Variants in TANK observed in about 807,000 individuals in gnomAD.
TANK encodes TRAF family member-associated NF-kappa-B activator.
TANK carries 15 observed loss-of-function variants against 43.6 expected under a neutral mutation model. That is an observed-to-expected ratio of 0.34 (90% CI 0.23 to 0.53). The LOEUF (loss-of-function observed/expected upper bound fraction) is 0.53. Among genes scored for constraint, TANK ranks in the 20% least tolerant of loss-of-function variants. TANK has a pLI of 0.94. For synonymous variants in TANK, 162 were observed against 178.2 expected (o/e 0.91, Z 0.73); for missense variants, 417 against 498.6 (o/e 0.84, Z 1.56).
intron 1 of TANK, among the ~76,000 whole-genome samples, chr2:161,145,053 G>A (rs1683865429): frequency 1.3e-5 from 2 of 149,904 alleles, no homozygotes; most frequent in Non-Finnish European, 3.0e-5. Flanking sequence ...ATTATGTAAT[G>A]CTCTTCTTTG....
At chr2:161,155,307 T>C (rs1684195522) in intron 1 of TANK, among the ~76,000 whole-genome samples, 1 of 152,158 alleles carries the variant, frequency 6.6e-6, no homozygotes, top group South Asian at 2.1e-4. Flanking sequence ...ATTTATATCT[T>C]ATGTGTCAAA....
chr2:161,157,219 A>T (rs1684251096), upstream of TANK, among the ~76,000 whole-genome samples: 1 of 152,198 alleles, frequency 6.6e-6, no homozygotes, highest in African/African-American at 2.4e-5. Context: ...TTTCAGCTTC[A>T]CAGTTCTTGC....
intron 1 of TANK, among the ~76,000 whole-genome samples, chr2:161,177,700 CATT>C (rs1286597750): frequency 9.2e-5 from 14 of 152,122 alleles, no homozygotes; most frequent in African/African-American, 3.4e-4. Context: ...AAATTAAAGA[CATT>C]GTGTGTCAGA....
chr2:161,221,319 A>G (rs1484195151), intron 4 of TANK, among the ~76,000 whole-genome samples: 2 of 152,310 alleles, frequency 1.3e-5, no homozygotes, highest in Admixed American at 6.5e-5. Flanking sequence ...ATAATGTTCA[A>G]AATTCCCTTG....
chr2:161,166,575 T>C (rs748437487), intron 1 of TANK, among the ~76,000 whole-genome samples: 1 of 152,200 alleles, frequency 6.6e-6, no homozygotes, highest in South Asian at 2.1e-4. Flanking sequence ...TGCTTTTTAC[T>C]CCTGATGTGT....
chr2:161,224,574 T>G (rs1687516667), intron 5 of TANK, 57 bp from the exon 6 acceptor site: 1 of 752,924 alleles, frequency 1.3e-6, no homozygotes, highest in Non-Finnish European at 2.1e-6. Flanking sequence ...AGTTTGATTA[T>G]TTAAAAAACT....
intron 1 of TANK, among the ~76,000 whole-genome samples, chr2:161,149,103 TAA>T (rs1407612045): frequency 6.6e-6 from 1 of 152,204 alleles, no homozygotes; most frequent in African/African-American, 2.4e-5. Flanking sequence ...TTAATAATAT[TAA>T]GTCTTCCAAT....
intron 4 of TANK, among the ~76,000 whole-genome samples, chr2:161,216,760 G>T (rs1026506576): frequency 2.0e-5 from 3 of 152,060 alleles, no homozygotes; most frequent in African/African-American, 7.2e-5. Flanking sequence ...GCATAGATAC[G>T]TAAAGTTAAA....
At chr2:161,173,504 T>TA (rs1685044385) in intron 1 of TANK, among the ~76,000 whole-genome samples, 3 of 152,162 alleles carry the variant, frequency 2.0e-5, no homozygotes, top group Non-Finnish European at 4.4e-5. Context: ...TTATACCTTT[T>TA]ACTTAACAGT....
At chr2:161,202,401 G>C (rs1023380071) in intron 2 of TANK, among the ~76,000 whole-genome samples, 1 of 151,752 alleles carries the variant, frequency 6.6e-6, no homozygotes, top group Non-Finnish European at 1.5e-5. Context: ...GTGTTAACCA[G>C]GATGGTCTCA....
In TANK at chr2:161,227,329, A is replaced by G. The variant is rs1205766199; in HGVS notation, c.520+2583A>G. 3.3e-5 allele frequency among the ~76,000 whole-genome samples: 5 copies of G among 152,224 alleles called. No homozygotes were observed. The East Asian group carries it at 9.6e-4, about 29-fold the overall frequency. On this transcript the variant is annotated intron_variant, in intron 6 of 7. Coordinates refer to ENST00000392749, the MANE Select transcript of TANK (RefSeq NM_001199135.3). Reference sequence around the variant, plus strand: ...ACAGCGGGGATAGATCAACTGCTAGAAAAATAATTCAAAGCACATTTCTGT... The same window carrying G: ...ACAGCGGGGATAGATCAACTGCTAGGAAAATAATTCAAAGCACATTTCTGT...
intron 2 of TANK, among the ~76,000 whole-genome samples, chr2:161,190,578 A>ATAAC (rs1419000308): frequency 2.0e-5 from 3 of 152,210 alleles, no homozygotes; most frequent in Non-Finnish European, 1.5e-5. Flanking sequence ...AGATGAATGG[A>ATAAC]TAACTGTAAG....
At chr2:161,162,331 C>T (rs1045349286) in intron 1 of TANK, among the ~76,000 whole-genome samples, 6 of 151,986 alleles carry the variant, frequency 3.9e-5, no homozygotes, top group Non-Finnish European at 8.8e-5. Flanking sequence ...TTAACATAAA[C>T]TGTTCATGCT....
At chr2:161,144,979 T>C (rs886541235) in intron 1 of TANK, among the ~76,000 whole-genome samples, 11 of 152,108 alleles carry the variant, frequency 7.2e-5, no homozygotes, top group African/African-American at 2.7e-4. Context: ...ATCTGGGTGC[T>C]CCTGTATTGG....
At chr2:161,139,840 C>A in intron 1 of TANK, 2 of 985,386 alleles carry the variant, frequency 2.0e-6, no homozygotes, top group Non-Finnish European at 2.4e-6. Context: ...GTGCAAAAAG[C>A]CTTCTTCCTA....
intron 2 of TANK, among the ~76,000 whole-genome samples, chr2:161,189,693 C>T (rs4664410): frequency 0.037 from 5,616 of 152,230 alleles, 225 homozygotes; most frequent in East Asian, 0.18. Context: ...TAAACAAATT[C>T]AGTAAAGTTA....
At chr2:161,137,932 C>A in intron 1 of TANK, 2 of 295,938 alleles carry the variant, frequency 6.8e-6, no homozygotes, top group Non-Finnish European at 1.0e-5. Context: ...CAAGACAGCA[C>A]TATTGCCTAG....
At chr2:161,219,919 T>C (rs1179507728) in intron 4 of TANK, 15 of 339,400 alleles carry the variant, frequency 4.4e-5, no homozygotes, top group Non-Finnish European at 2.3e-5. Context: ...TTTATCAAGC[T>C]AACATTTATA....
chr2:161,225,514 C>T (rs1687570799), intron 6 of TANK, among the ~76,000 whole-genome samples: 1 of 152,132 alleles, frequency 6.6e-6, no homozygotes, highest in South Asian at 2.1e-4. Flanking sequence ...CCTAAAACCC[C>T]AGACTGGCTT....
Sources: gnomAD v4.1 joint callset for allele counts (sites outside exome capture counted in the v4.1 genomes callset) on GRCh38, gnomAD v4.1.1 for gene constraint, MANE v1.5 for transcripts, NCBI Gene and HGNC (gene_info 2026-07-23, HGNC 2026-07-21) for gene names.